The following UBR3 variants were observed in gnomAD, a reference collection of about 807,000 sequenced individuals.
UBR3 encodes E3 ubiquitin-protein ligase UBR3.
Under a neutral mutation model 243.2 loss-of-function variants are expected in UBR3, and 85 were observed. The ratio of observed to expected loss-of-function variants is 0.35; its 90% CI spans 0.29 to 0.42. UBR3 has a LOEUF of 0.42. Ranked by LOEUF, UBR3 falls within the 10% of genes least tolerant of loss-of-function variation. The probability of loss-of-function intolerance (pLI) is 1.00; values close to 1 mark genes in which losing one functional copy is unlikely to be tolerated. For missense variants in UBR3, 1,686 were observed against 2,300.8 expected (o/e 0.73, Z 5.47); for synonymous variants, 748 against 799.8 (o/e 0.94, Z 1.09).
At chr2:169,864,085 A>G (rs2083175506) in intron 1 of UBR3, among the ~76,000 whole-genome samples, 1 of 151,850 alleles carries the variant, frequency 6.6e-6, no homozygotes, top group African/African-American at 2.4e-5. Context: ...TTACTCTGTC[A>G]TCCAGAATGG....
intron 35 of UBR3, among the ~76,000 whole-genome samples, chr2:170,062,500 T>G (rs549372278): frequency 1.3e-5 from 2 of 152,366 alleles, no homozygotes; most frequent in Non-Finnish European, 2.9e-5. Context: ...CAAAACATTC[T>G]TTTTAGAGTT....
intron 35 of UBR3, among the ~76,000 whole-genome samples, chr2:170,071,852 C>G (rs1383005265): frequency 6.6e-6 from 1 of 152,100 alleles, no homozygotes; most frequent in African/African-American, 2.4e-5. Flanking sequence ...GTTCCTACTT[C>G]CAGAGAACTC....
chr2:169,988,890 T>G (rs11892355), intron 25 of UBR3, among the ~76,000 whole-genome samples: 1,546 of 152,324 alleles, frequency 0.01, 38 homozygotes, highest in African/African-American at 0.035. Flanking sequence ...AGCTGTTTCC[T>G]TCTTTACCAT....
intron 24 of UBR3, among the ~76,000 whole-genome samples, chr2:169,985,776 T>A (rs537933064): frequency 8.7e-4 from 133 of 152,184 alleles, no homozygotes; most frequent in Non-Finnish European, 1.5e-3. Context: ...TTCATAAGTA[T>A]CAGATGTGTG....
At chr2:169,969,845 G>A (rs185685194) in intron 24 of UBR3, among the ~76,000 whole-genome samples, 31 of 150,978 alleles carry the variant, frequency 2.1e-4, no homozygotes, top group East Asian at 1.4e-3. Context: ...CACCACGCCC[G>A]GCCTGTGTCT....
intron 23 of UBR3, among the ~76,000 whole-genome samples, chr2:169,951,937 G>A (rs192026395): frequency 6.6e-6 from 1 of 152,280 alleles, no homozygotes; most frequent in Non-Finnish European, 1.5e-5. Flanking sequence ...AGATAATGGA[G>A]TGTAGGAGGG....
In UBR3 at chr2:170,008,943, A is replaced by G. The variant is rs1295885245; in HGVS notation, c.4367+3A>G. ...CTCTTTATGTACTCTGTTGCTAGGT[A>G]GGTATATATAGTGTATACTTTTTAG... On this transcript the variant is annotated splice_donor_region_variant and intron_variant, in intron 29 of 38. Coordinates refer to ENST00000272793, the MANE Select transcript of UBR3 (RefSeq NM_172070.4). 2 of 1,547,982 alleles carry G rather than the reference A, an allele frequency of 1.3e-6. No individual in the cohort carries two copies. Among genetic ancestry groups the G allele is most frequent in the South Asian group, 1.3e-5 (1 of 76,932 alleles).
intron 1 of UBR3, among the ~76,000 whole-genome samples, chr2:169,833,329 G>A (rs1459589337): frequency 6.6e-6 from 1 of 152,182 alleles, no homozygotes; most frequent in Admixed American, 6.5e-5. Context: ...AGAATGAGGA[G>A]TTTCATGTTC....
intron 30 of UBR3, 63 bp downstream of exon 30, chr2:170,015,429 A>G: frequency 7.4e-7 from 1 of 1,350,914 alleles, no homozygotes; most frequent in Non-Finnish European, 1.0e-6. Context: ...ATTGACAGGA[A>G]AAGTGACATT....
rs1049960750 is a variant in UBR3 at position 169,888,264 on chromosome 2, G to A, written c.1039-2901G>A. Among the ~76,000 whole-genome samples the A allele has an allele frequency of 2.6e-5, 4 of 151,596 alleles. No homozygotes were observed. The East Asian group carries it at 5.8e-4, about 22-fold the overall frequency. Reference sequence around the variant, plus strand: ...AGCAATTCTCCAGCCTCAGCCTGCCGAGTAGCTGGGATTATAGGTGCCTGC... The same window carrying A: ...AGCAATTCTCCAGCCTCAGCCTGCCAAGTAGCTGGGATTATAGGTGCCTGC... On this transcript the variant is annotated intron_variant, in intron 5 of 38. Coordinates refer to ENST00000272793, the MANE Select transcript of UBR3 (RefSeq NM_172070.4).
At chr2:169,910,184 G>A (rs1452911341) in intron 10 of UBR3, among the ~76,000 whole-genome samples, 1 of 152,042 alleles carries the variant, frequency 6.6e-6, no homozygotes, top group Admixed American at 6.6e-5. Flanking sequence ...AGACCCTTCG[G>A]CATATAGAAG....
intron 24 of UBR3, among the ~76,000 whole-genome samples, chr2:169,963,492 T>C (rs1191987759): frequency 6.6e-6 from 1 of 151,488 alleles, no homozygotes; most frequent in Non-Finnish European, 1.5e-5. Flanking sequence ...TATTTCTTCA[T>C]TTTTTTTTCT....
intron 32 of UBR3, among the ~76,000 whole-genome samples, chr2:170,052,123 A>G (rs10930393): frequency 0.43 from 64,894 of 151,862 alleles, 15,393 homozygotes; most frequent in Non-Finnish European, 0.54. Context: ...TCTGTTTTAC[A>G]TTTTAGTCAA....
intron 25 of UBR3, among the ~76,000 whole-genome samples, chr2:169,990,946 T>G (rs889659187): frequency 6.6e-6 from 1 of 152,000 alleles, no homozygotes; most frequent in Non-Finnish European, 1.5e-5. Flanking sequence ...ACAGAATGAA[T>G]TTTTAAAAAT....
At chr2:169,865,606 C>T (rs1011407201) in intron 1 of UBR3, among the ~76,000 whole-genome samples, 3 of 152,166 alleles carry the variant, frequency 2.0e-5, no homozygotes, top group African/African-American at 7.2e-5. Context: ...TGGTTTCTTT[C>T]CTGCACAAAG....
At chr2:169,860,631 G>T (rs1393490555) in intron 1 of UBR3, among the ~76,000 whole-genome samples, 1 of 151,980 alleles carries the variant, frequency 6.6e-6, no homozygotes, top group Admixed American at 6.6e-5. Flanking sequence ...ACTGACTTGA[G>T]CATCTTTTCA....
chr2:169,963,790 A>G (rs2087686459), intron 24 of UBR3, among the ~76,000 whole-genome samples: 3 of 152,192 alleles, frequency 2.0e-5, no homozygotes, highest in Admixed American at 2.0e-4. Context: ...AGGTTTTACA[A>G]TGCTATTTTT....
intron 1 of UBR3, among the ~76,000 whole-genome samples, chr2:169,836,205 G>A (rs1302391379): frequency 6.9e-6 from 1 of 145,512 alleles, no homozygotes. Context: ...TGCCTCAGCC[G>A]CCTGAGTAGC....
chr2:169,999,120 G>A (rs902719854), intron 26 of UBR3, among the ~76,000 whole-genome samples: 1 of 152,174 alleles, frequency 6.6e-6, no homozygotes, highest in African/African-American at 2.4e-5. Context: ...AGTTTTAAAA[G>A]CTAGCCATTT....
Sources: gnomAD v4.1 joint callset for allele counts (sites outside exome capture counted in the v4.1 genomes callset) on GRCh38, gnomAD v4.1.1 for gene constraint, MANE v1.5 for transcripts, NCBI Gene and HGNC (gene_info 2026-07-23, HGNC 2026-07-21) for gene names.